The following NR6A1 variants were observed in gnomAD, a reference collection of about 807,000 sequenced individuals.
NR6A1 encodes the protein nuclear receptor subfamily 6 group A member 1.
NR6A1 carries 7 observed loss-of-function variants against 59.1 expected under a neutral mutation model. The observed-to-expected ratio is 0.12, with a 90% CI of 0.07 to 0.22. The LOEUF is 0.22. NR6A1 is among the 10% of genes least tolerant of loss of function. The pLI, the probability that NR6A1 is intolerant of heterozygous loss-of-function variation, is 1.00. For missense variants in NR6A1, 468 were observed against 611.6 expected, an observed-to-expected ratio of 0.77 and a Z score of 2.48; for synonymous variants, 243 against 236.1, an observed-to-expected ratio of 1.03 and a Z score of -0.27.
intron 2 of NR6A1, among the ~76,000 whole-genome samples, chr9:124,565,382 G>A (rs1045510117): frequency 9.9e-5 from 15 of 152,042 alleles, no homozygotes; most frequent in South Asian, 2.1e-4. Context: ...AGCCGAGATC[G>A]TGCCACTGCA....
At chr9:124,684,005 G>A (rs566894573) in intron 2 of NR6A1, among the ~76,000 whole-genome samples, 1 of 152,276 alleles carries the variant, frequency 6.6e-6, no homozygotes, top group African/African-American at 2.4e-5. Context: ...GGCATTTTTG[G>A]AAACAGAGCA....
chr9:124,591,489 C>T (rs1437758799), intron 2 of NR6A1, among the ~76,000 whole-genome samples: 1 of 152,192 alleles, frequency 6.6e-6, no homozygotes, highest in Non-Finnish European at 1.5e-5. Flanking sequence ...CAACAGGGGA[C>T]GAGTCCTTGC....
intron 2 of NR6A1, among the ~76,000 whole-genome samples, chr9:124,563,116 C>A (rs1215428953): frequency 6.6e-6 from 1 of 152,076 alleles, no homozygotes; most frequent in Non-Finnish European, 1.5e-5. Flanking sequence ...AGAAGATACA[C>A]AATTTGTTGA....
At chr9:124,599,582 AGGGCGCG>A in intron 2 of NR6A1, 1 of 1,118,468 alleles carries the variant, frequency 8.9e-7, no homozygotes, top group African/African-American at 1.7e-5. Context: ...AGCCGCCATG[AGGGCGCG>A]GCGGCGGCGG....
chr9:124,600,653 C>G (rs1398478058), intron 2 of NR6A1, among the ~76,000 whole-genome samples: 1 of 152,148 alleles, frequency 6.6e-6, no homozygotes, highest in East Asian at 1.9e-4. Context: ...CCACTCCATA[C>G]TAACTCACAA....
chr9:124,702,014 C>T (rs1392573734), intron 2 of NR6A1, among the ~76,000 whole-genome samples: 5 of 152,174 alleles, frequency 3.3e-5, no homozygotes, highest in East Asian at 1.9e-4. Flanking sequence ...TGTGAGCCAC[C>T]GCACCCGGCC....
At chr9:124,554,690 CAG>C in intron 2 of NR6A1, 120 bp from the exon 3 acceptor site, 1 of 1,273,474 alleles carries the variant, frequency 7.9e-7, no homozygotes, top group East Asian at 2.3e-5. Flanking sequence ...AAAGGGCAAA[CAG>C]GGGGCCCATC....
chr9:124,544,695 A>T (rs1833546827), intron 3 of NR6A1, among the ~76,000 whole-genome samples: 2 of 152,216 alleles, frequency 1.3e-5, no homozygotes, highest in African/African-American at 4.8e-5. Context: ...AAGCGGCTTA[A>T]TCTGGCTAAA....
At chr9:124,526,737 T>C (rs769396051) in intron 8 of NR6A1, 42 bp downstream of exon 8, 9 of 1,608,318 alleles carry the variant, frequency 5.6e-6, no homozygotes, top group Admixed American at 1.7e-5. Flanking sequence ...ACTGCCTGCC[T>C]CCCGCACTGC....
intron 2 of NR6A1, among the ~76,000 whole-genome samples, chr9:124,700,321 A>G (rs1309306133): frequency 6.6e-6 from 1 of 152,030 alleles, no homozygotes; most frequent in Non-Finnish European, 1.5e-5. Context: ...CAGCCTCTAG[A>G]GTAGCTGGGA....
At chr9:124,558,230 T>C (rs1833982822) in intron 2 of NR6A1, among the ~76,000 whole-genome samples, 1 of 152,196 alleles carries the variant, frequency 6.6e-6, no homozygotes, top group Admixed American at 6.5e-5. Context: ...AACCTGCTCA[T>C]GTCTCGTAAC....
At chr9:124,742,432 A>G (rs1840198808) in intron 1 of NR6A1, among the ~76,000 whole-genome samples, 2 of 152,040 alleles carry the variant, frequency 1.3e-5, no homozygotes, top group African/African-American at 4.8e-5. Flanking sequence ...GTGGTGGCGC[A>G]TGCCTGTAAT....
chr9:124,590,209 G>A (rs1835076805), intron 2 of NR6A1, among the ~76,000 whole-genome samples: 1 of 151,396 alleles, frequency 6.6e-6, no homozygotes, highest in African/African-American at 2.4e-5. Context: ...ATGAGGTTTC[G>A]ACTCTCTCTA....
intron 4 of NR6A1, among the ~76,000 whole-genome samples, chr9:124,541,157 G>A (rs1833430618): frequency 6.6e-6 from 1 of 152,020 alleles, no homozygotes; most frequent in African/African-American, 2.4e-5. Flanking sequence ...AAAAGCTTCT[G>A]TGCAACAAAG....
At chr9:124,659,687 T>C (rs898011906) in intron 2 of NR6A1, among the ~76,000 whole-genome samples, 1 of 152,224 alleles carries the variant, frequency 6.6e-6, no homozygotes, top group Admixed American at 6.5e-5. Flanking sequence ...AAAAGTCTCC[T>C]TACTTCATAG....
chr9:124,579,901 T>C lies in NR6A1; in HGVS notation c.143-25331A>G, dbSNP rs112455416. Reference sequence around the variant, plus strand: ...GGCGCGTGCCTGTAATCCAAGCTACTTGGGAGGCTGAGGCAGGAGAATCAC... The same window carrying C: ...GGCGCGTGCCTGTAATCCAAGCTACCTGGGAGGCTGAGGCAGGAGAATCAC... On this transcript the variant is annotated intron_variant, in intron 2 of 9. Coordinates refer to ENST00000487099, the MANE Select transcript of NR6A1 (RefSeq NM_033334.4). Among the ~76,000 whole-genome samples the C allele has an allele frequency of 5.2e-3, 798 of 152,122 alleles. 7 individuals are homozygous for C. Among genetic ancestry groups the C allele is most frequent in the African/African-American group, 0.018 (749 of 41,480 alleles).
intron 2 of NR6A1, among the ~76,000 whole-genome samples, chr9:124,691,074 G>A (rs1838528217): frequency 6.6e-6 from 1 of 152,062 alleles, no homozygotes. Context: ...AATAGTATAA[G>A]GCTTGACATC....
chr9:124,531,344 G>A (rs1217074689), intron 7 of NR6A1, among the ~76,000 whole-genome samples: 2 of 152,218 alleles, frequency 1.3e-5, no homozygotes, highest in Middle Eastern at 3.2e-3. Flanking sequence ...TGATAACGGT[G>A]TGATTAAGGA....
At chr9:124,675,348 G>GA (rs1837922269) in intron 2 of NR6A1, among the ~76,000 whole-genome samples, 1 of 152,118 alleles carries the variant, frequency 6.6e-6, no homozygotes, top group African/African-American at 2.4e-5. Flanking sequence ...GTAACTTCTC[G>GA]AAAAAATACT....
Sources: allele counts gnomAD v4.1 joint callset (sites outside exome capture counted in the v4.1 genomes callset), GRCh38; gene constraint gnomAD v4.1.1; transcripts MANE v1.5; gene names NCBI Gene and HGNC (gene_info 2026-07-23, HGNC 2026-07-21).